The following ATP8A2 variants were observed in gnomAD, a reference collection of about 807,000 sequenced individuals.
ATP8A2 encodes phospholipid-transporting ATPase IB.
A neutral mutation model predicts 165.6 loss-of-function variants in ATP8A2; 100 were observed. The ratio of observed to expected loss-of-function variants is 0.60; its 90% CI spans 0.51 to 0.71. ATP8A2 has a LOEUF of 0.71. ATP8A2 is among the 30% of genes least tolerant of loss of function. ATP8A2 has a pLI of 0.00. For missense variants in ATP8A2, 1,227 were observed against 1,479.5 expected (o/e 0.83, Z 2.80); for synonymous variants, 543 against 548.8 (o/e 0.99, Z 0.15).
chr13:25,667,169 G>T (rs2042171324), intron 24 of ATP8A2, among the ~76,000 whole-genome samples: 1 of 152,046 alleles, frequency 6.6e-6, no homozygotes, highest in African/African-American at 2.4e-5. Flanking sequence ...AAAATCACCA[G>T]TCTGTTTTCT....
chr13:25,617,521 G>A (rs1265384871), intron 24 of ATP8A2, among the ~76,000 whole-genome samples: 6 of 152,088 alleles, frequency 3.9e-5, no homozygotes, highest in Non-Finnish European at 8.8e-5. Context: ...TGAAGAGTTT[G>A]GCAGAATAAA....
At chr13:25,676,072 A>G (rs2042365999) in intron 24 of ATP8A2, among the ~76,000 whole-genome samples, 1 of 152,148 alleles carries the variant, frequency 6.6e-6, no homozygotes, top group Non-Finnish European at 1.5e-5. Context: ...AAAAGAAAAA[A>G]AAATGTATAT....
intron 33 of ATP8A2, among the ~76,000 whole-genome samples, chr13:25,933,019 G>A (rs1230092441): frequency 1.3e-5 from 2 of 152,138 alleles, no homozygotes; most frequent in Non-Finnish European, 2.9e-5. Context: ...GCTAATTTTT[G>A]TATATTTTGG....
intron 24 of ATP8A2, among the ~76,000 whole-genome samples, chr13:25,632,793 G>C (rs2041274223): frequency 6.6e-6 from 1 of 152,066 alleles, no homozygotes; most frequent in Non-Finnish European, 1.5e-5. Flanking sequence ...CGTCTTCTGT[G>C]ATGAGGGTGC....
intron 1 of ATP8A2, among the ~76,000 whole-genome samples, chr13:25,463,320 T>A (rs191051809): frequency 6.6e-6 from 1 of 152,176 alleles, no homozygotes; most frequent in East Asian, 1.9e-4. Flanking sequence ...TGCTAACTCT[T>A]CTTTCATGTT....
chr13:25,618,678 T>C (rs1307570644), intron 24 of ATP8A2, among the ~76,000 whole-genome samples: 1 of 135,110 alleles, frequency 7.4e-6, no homozygotes, highest in Non-Finnish European at 1.6e-5. Flanking sequence ...GTTCTGATAG[T>C]TAGACTTTTT....
intron 2 of ATP8A2, among the ~76,000 whole-genome samples, chr13:25,519,925 C>T (rs974046805): frequency 3.9e-4 from 60 of 152,278 alleles, no homozygotes; most frequent in African/African-American, 1.4e-3. Flanking sequence ...AAAGTTGCTA[C>T]ATAATAGTTG....
intron 36 of ATP8A2, among the ~76,000 whole-genome samples, chr13:26,019,147 A>C (rs984407204): frequency 2.0e-5 from 3 of 152,148 alleles, no homozygotes; most frequent in Admixed American, 6.5e-5. Context: ...TAATCCCAGC[A>C]CTTTGGGAGG....
chr13:25,808,413 A>T (rs1389159954), intron 27 of ATP8A2, among the ~76,000 whole-genome samples: 1 of 151,954 alleles, frequency 6.6e-6, no homozygotes, highest in African/African-American at 2.4e-5. Context: ...AGCCTGGGCA[A>T]CGTGGTGAAA....
chr13:25,376,752 CT>C (rs1412061133), intron 1 of ATP8A2, among the ~76,000 whole-genome samples: 3 of 152,212 alleles, frequency 2.0e-5, no homozygotes, highest in Non-Finnish European at 4.4e-5. Flanking sequence ...ATTGGCAAAA[CT>C]TTTGTTATTA....
chr13:25,524,906 C>A (rs987617683), intron 2 of ATP8A2, among the ~76,000 whole-genome samples: 39 of 147,504 alleles, frequency 2.6e-4, no homozygotes, highest in African/African-American at 8.6e-4. Flanking sequence ...TTCCTTCCTT[C>A]CTTCCTTCCT....
At chr13:25,825,283 G>A (rs1278459930) in intron 27 of ATP8A2, among the ~76,000 whole-genome samples, 1 of 147,206 alleles carries the variant, frequency 6.8e-6, no homozygotes, top group Non-Finnish European at 1.5e-5. Flanking sequence ...TTAGCCTCCC[G>A]AGTAGCTGGG....
At chr13:25,413,239 T>C (rs1488796456) in intron 1 of ATP8A2, among the ~76,000 whole-genome samples, 1 of 151,972 alleles carries the variant, frequency 6.6e-6, no homozygotes, top group African/African-American at 2.4e-5. Flanking sequence ...ATATCTTTTA[T>C]ACTTGTAGTC....
intron 24 of ATP8A2, among the ~76,000 whole-genome samples, chr13:25,598,086 G>A (rs118043366): frequency 2.6e-5 from 4 of 151,922 alleles, no homozygotes; most frequent in Non-Finnish European, 4.4e-5. Flanking sequence ...TTTATATCCC[G>A]TATAGTTATC....
intron 27 of ATP8A2, among the ~76,000 whole-genome samples, chr13:25,803,218 C>T (rs927961596): frequency 1.3e-5 from 2 of 152,012 alleles, no homozygotes; most frequent in Admixed American, 6.6e-5. Context: ...TTTATGTATT[C>T]GTAGTTAAAT....
chr13:25,795,314 C>T (rs1297425703), intron 27 of ATP8A2, among the ~76,000 whole-genome samples: 1 of 152,154 alleles, frequency 6.6e-6, no homozygotes, highest in Non-Finnish European at 1.5e-5. Flanking sequence ...TGTTTCTATA[C>T]ATTACATTAA....
chr13:25,740,308 C>CAAAAA (rs1229327243), intron 25 of ATP8A2, among the ~76,000 whole-genome samples: 118 of 67,502 alleles, frequency 1.7e-3, no homozygotes, highest in African/African-American at 6.5e-3. Flanking sequence ...GGCTCTATCT[C>CAAAAA]AAAAAAAAAA....
In ATP8A2 at chr13:25,788,789, C is replaced by T. The variant is rs184954630; in HGVS notation, c.2679+13830C>T. Among the ~76,000 whole-genome samples, 26 of 152,214 alleles carry T rather than the reference C, an allele frequency of 1.7e-4. No individual in the cohort carries two copies. The East Asian group carries it at 2.5e-3, about 15-fold the overall frequency. On this transcript the variant is annotated intron_variant, in intron 27 of 36. Transcript: ENST00000381655. ...GTTTGTGCATTCAGAATAATTGGTGCGCTAAGAATCAATTGTATTTCAGCA... is the reference window on the plus strand; with the variant it reads ...GTTTGTGCATTCAGAATAATTGGTGTGCTAAGAATCAATTGTATTTCAGCA...
chr13:25,993,692 T>A (rs191871695), intron 35 of ATP8A2, among the ~76,000 whole-genome samples: 72 of 152,322 alleles, frequency 4.7e-4, no homozygotes, highest in African/African-American at 1.7e-3. Context: ...TGTCTTCTAG[T>A]CTATTTATCT....
Sources: gnomAD v4.1 joint callset for allele counts (sites outside exome capture counted in the v4.1 genomes callset) on GRCh38, gnomAD v4.1.1 for gene constraint, MANE v1.5 for transcripts, NCBI Gene and HGNC (gene_info 2026-07-23, HGNC 2026-07-21) for gene names.